The following ERBB4 variants were observed in gnomAD, a reference collection of about 807,000 sequenced individuals.
ERBB4 encodes erb-b2 receptor tyrosine kinase 4.
ERBB4 carries 42 observed loss-of-function variants against 158.0 expected under a neutral mutation model. The observed-to-expected ratio is 0.27, with a 90% CI of 0.21 to 0.34. The LOEUF (loss-of-function observed/expected upper bound fraction) is 0.34. Among genes scored for constraint, ERBB4 ranks in the 10% least tolerant of loss-of-function variants. The pLI is 1.00. For synonymous variants in ERBB4, 583 were observed against 558.7 expected, an observed-to-expected ratio of 1.04 and a Z score of -0.61; for missense variants, 1,333 against 1,624.1, an observed-to-expected ratio of 0.82 and a Z score of 3.08.
intron 1 of ERBB4, among the ~76,000 whole-genome samples, chr2:212,495,636 G>C (rs1690522829): frequency 6.6e-6 from 1 of 152,152 alleles, no homozygotes; most frequent in South Asian, 2.1e-4. Context: ...TCACCTGACA[G>C]CATTTGTGAG....
chr2:211,820,846 A>T (rs1575195749), intron 3 of ERBB4, among the ~76,000 whole-genome samples: 1 of 151,996 alleles, frequency 6.6e-6, no homozygotes, highest in East Asian at 1.9e-4. Context: ...CTATGTGATC[A>T]TCTTAATGGA....
chr2:212,505,849 A>G lies in ERBB4; in HGVS notation c.82+32600T>C, dbSNP rs771117072. ...TATCTTCTGACACCATCTACGACACAGTACAAGGCTACTTAGTAGGAGGTA... is the reference window on the plus strand; with the variant it reads ...TATCTTCTGACACCATCTACGACACGGTACAAGGCTACTTAGTAGGAGGTA... On this transcript the variant is annotated intron_variant, in intron 1 of 27. Transcript: ENST00000342788. Among the ~76,000 whole-genome samples the G allele has an allele frequency of 8.7e-5, 13 of 149,058 alleles. 1 individual carries two copies. Among genetic ancestry groups the G allele is most frequent in the Non-Finnish European group, 1.4e-4 (9 of 66,068 alleles).
intron 3 of ERBB4, among the ~76,000 whole-genome samples, chr2:211,869,746 T>C (rs1362197864): frequency 6.6e-6 from 1 of 152,198 alleles, no homozygotes; most frequent in Non-Finnish European, 1.5e-5. Context: ...ATATTCTGAG[T>C]GAAATTATTG....
At chr2:211,825,736 T>C (rs2077086490) in intron 3 of ERBB4, among the ~76,000 whole-genome samples, 1 of 148,348 alleles carries the variant, frequency 6.7e-6, no homozygotes, top group African/African-American at 2.5e-5. Context: ...ACAGTCCTGG[T>C]AGAAATGTAA....
intron 1 of ERBB4, among the ~76,000 whole-genome samples, chr2:212,324,462 G>A (rs539072446): frequency 7.7e-6 from 1 of 130,632 alleles, no homozygotes; most frequent in East Asian, 2.0e-4. Flanking sequence ...GAACAGCTTA[G>A]GAGCAGCGGG....
At chr2:212,138,222 T>G (rs2080334723) in intron 1 of ERBB4, among the ~76,000 whole-genome samples, 1 of 152,144 alleles carries the variant, frequency 6.6e-6, no homozygotes, top group South Asian at 2.1e-4. Context: ...AGAGCCCTTC[T>G]CGCCTACCAC....
At chr2:212,455,935 T>C (rs1688268535) in intron 1 of ERBB4, among the ~76,000 whole-genome samples, 1 of 152,144 alleles carries the variant, frequency 6.6e-6, no homozygotes, top group African/African-American at 2.4e-5. Flanking sequence ...AAATAAATGA[T>C]CATCCCTGAC....
intron 20 of ERBB4, among the ~76,000 whole-genome samples, chr2:211,530,497 A>T (rs11674732): frequency 0.17 from 26,002 of 152,004 alleles, 2,888 homozygotes; most frequent in East Asian, 0.46. Flanking sequence ...GGAAGAAACA[A>T]TCTTAAAATT....
intron 2 of ERBB4, among the ~76,000 whole-genome samples, chr2:212,098,615 T>C (rs1347169695): frequency 3.9e-5 from 6 of 152,138 alleles, no homozygotes; most frequent in African/African-American, 9.7e-5. Flanking sequence ...GCATGCTTTA[T>C]AAAAAGAAGT....
In ERBB4 at chr2:211,580,812, AATATATATATAT is replaced by A. The variant is rs2068056016; in HGVS notation, c.2302-18736_2302-18725del. Among the ~76,000 whole-genome samples, 13 of 48,268 alleles carry A rather than the reference AATATATATATAT, an allele frequency of 2.7e-4. 2 individuals carry two copies. The highest frequency in any genetic ancestry group is 1.2e-3 in the African/African-American group (11 of 9,410). 31.7% of individuals were successfully genotyped at this position (48,268 alleles called of 152,430 possible). A position where few individuals can be genotyped will look rare whatever the true frequency, so the allele number is the denominator to read the frequency against. On this transcript the variant is annotated intron_variant, in intron 19 of 27. Transcript: ENST00000342788. ...GATATATATATATATATATATATAT[AATATATATATAT>A]TATATATATAGATTATATATTATAT...
At chr2:212,390,031 A>T (rs1339732070) in intron 1 of ERBB4, among the ~76,000 whole-genome samples, 1 of 151,852 alleles carries the variant, frequency 6.6e-6, no homozygotes, top group East Asian at 1.9e-4. Context: ...AGAGTAAATG[A>T]TTTTCCTCCT....
chr2:211,942,702 G>A (rs529427974), intron 3 of ERBB4, among the ~76,000 whole-genome samples: 83 of 152,092 alleles, frequency 5.5e-4, no homozygotes, highest in African/African-American at 1.8e-3. Flanking sequence ...TACAATGTCC[G>A]TAAAATATCA....
intron 5 of ERBB4, among the ~76,000 whole-genome samples, chr2:211,746,080 A>T (rs1394886984): frequency 1.3e-5 from 2 of 152,220 alleles, no homozygotes; most frequent in Admixed American, 6.5e-5. Flanking sequence ...ATGAATTTTT[A>T]AAATGGAAAT....
intron 3 of ERBB4, among the ~76,000 whole-genome samples, chr2:211,866,207 C>T (rs12471775): frequency 0.3 from 46,221 of 151,968 alleles, 7,722 homozygotes; most frequent in South Asian, 0.41. Context: ...GCCAAGATCA[C>T]GCCCCTGCAG....
intron 2 of ERBB4, among the ~76,000 whole-genome samples, chr2:212,090,920 T>C (rs2125492298): frequency 6.6e-6 from 1 of 152,324 alleles, no homozygotes; most frequent in South Asian, 2.1e-4. Flanking sequence ...GCAATTCTTC[T>C]TTTTTCTAAC....
rs181372754 is a variant in ERBB4 at position 211,904,862 on chromosome 2, G to A, written c.421+42568C>T. Reference sequence around the variant, plus strand: ...CTATTTTAGGTTAGACAGGAATTACGTGTGGTAAGTTTTGTTGTTGTTGTT... The same window carrying A: ...CTATTTTAGGTTAGACAGGAATTACATGTGGTAAGTTTTGTTGTTGTTGTT... On this transcript the variant is annotated intron_variant, in intron 3 of 27. Transcript: ENST00000342788. Among the ~76,000 whole-genome samples the A allele has an allele frequency of 3.9e-5, 6 of 152,100 alleles. No individual in the cohort carries two copies. The East Asian group carries it at 5.8e-4, about 15-fold the overall frequency.
chr2:212,183,452 A>G (rs2081931897), intron 1 of ERBB4, among the ~76,000 whole-genome samples: 1 of 152,012 alleles, frequency 6.6e-6, no homozygotes, highest in Non-Finnish European at 1.5e-5. Context: ...AACTGCATAT[A>G]ACTAGTAAAA....
At chr2:211,953,672 G>C (rs1423313559) in intron 2 of ERBB4, among the ~76,000 whole-genome samples, 1 of 151,854 alleles carries the variant, frequency 6.6e-6, no homozygotes, top group African/African-American at 2.4e-5. Context: ...TGTCAATGTA[G>C]GTTTCTACAG....
At chr2:212,499,342 T>C (rs1690754851) in intron 1 of ERBB4, among the ~76,000 whole-genome samples, 1 of 152,090 alleles carries the variant, frequency 6.6e-6, no homozygotes, top group African/African-American at 2.4e-5. Flanking sequence ...GAATCCTTTC[T>C]TGTTTCATAG....
Sources: allele counts gnomAD v4.1 joint callset (sites outside exome capture counted in the v4.1 genomes callset), GRCh38; gene constraint gnomAD v4.1.1; transcripts MANE v1.5; gene names NCBI Gene and HGNC (gene_info 2026-07-23, HGNC 2026-07-21).